ERBB4: variants seen among roughly 807,000 people sequenced by gnomAD.
ERBB4 encodes the protein erb-b2 receptor tyrosine kinase 4.
ERBB4 carries 42 observed loss-of-function variants against 158.0 expected under a neutral mutation model. The ratio of observed to expected loss-of-function variants is 0.27; its 90% confidence interval spans 0.21 to 0.34. The LOEUF (loss-of-function observed/expected upper bound fraction) is 0.34. ERBB4 is among the 10% of genes least tolerant of loss of function. ERBB4 has a pLI of 1.00. For missense variants in ERBB4, 1,333 were observed against 1,624.1 expected (o/e 0.82, Z 3.08); for synonymous variants, 583 against 558.7 (o/e 1.04, Z -0.61).
chr2:211,592,573 CAAAG>C (rs986047784), intron 19 of ERBB4, among the ~76,000 whole-genome samples: 4 of 152,008 alleles, frequency 2.6e-5, no homozygotes, highest in South Asian at 2.1e-4. Flanking sequence ...AACTGAAAGA[CAAAG>C]AGGATTTCAA....
chr2:211,831,409 A>G (rs1193546489), intron 3 of ERBB4, among the ~76,000 whole-genome samples: 1 of 152,158 alleles, frequency 6.6e-6, no homozygotes, highest in Non-Finnish European at 1.5e-5. Flanking sequence ...CTTTAGCCAG[A>G]TGTCACCCCA....
At chr2:211,683,273 C>T (rs1260342609) in intron 12 of ERBB4, among the ~76,000 whole-genome samples, 1 of 152,084 alleles carries the variant, frequency 6.6e-6, no homozygotes, top group Admixed American at 6.6e-5. Flanking sequence ...TACAGATTTC[C>T]TCATAGCAAG....
chr2:212,459,230 C>T (rs1327652141), intron 1 of ERBB4, among the ~76,000 whole-genome samples: 1 of 151,896 alleles, frequency 6.6e-6, no homozygotes, highest in East Asian at 1.9e-4. Flanking sequence ...TAGATGTACA[C>T]AGAATATTCC....
intron 2 of ERBB4, among the ~76,000 whole-genome samples, chr2:212,078,058 T>C (rs2078325867): frequency 6.6e-6 from 1 of 152,044 alleles, no homozygotes; most frequent in African/African-American, 2.4e-5. Context: ...GAGATTCTCT[T>C]GGTAATTAGA....
At chr2:211,853,726 A>G (rs1355395113) in intron 3 of ERBB4, among the ~76,000 whole-genome samples, 1 of 152,076 alleles carries the variant, frequency 6.6e-6, no homozygotes, top group African/African-American at 2.4e-5. Flanking sequence ...TATCAGAAAT[A>G]TATGTGTTTT....
rs901382432 is a variant in ERBB4, at chr2:211,682,325, A to G, written c.1490-3141T>C. ...ATCAATGTTCTAGCTCAAGTAGCCA[A>G]GCAGAGAGAGTGAATTCTCCCTTCT... is the stretch of plus-strand genomic sequence containing the variant. On this transcript the variant is annotated intron_variant, in intron 12 of 27. Transcript: ENST00000342788. 1.1e-4 allele frequency among the ~76,000 whole-genome samples: 17 copies of G among 152,106 alleles called. 1 individual carries two copies. The East Asian group carries it at 2.9e-3, about 26-fold the overall frequency.
intron 2 of ERBB4, among the ~76,000 whole-genome samples, chr2:212,039,639 G>A (rs2077092631): frequency 6.6e-6 from 1 of 152,092 alleles, no homozygotes; most frequent in Non-Finnish European, 1.5e-5. Context: ...CAATTATCAT[G>A]TGCCAGCTTC....
In ERBB4 at chr2:211,725,086, G is replaced by A. The variant is rs754193308; in HGVS notation, c.731C>T (p.Thr244Ile). The A allele has an allele frequency of 4.4e-6, 7 of 1,607,884 alleles. No homozygotes were observed. Among genetic ancestry groups the A allele is most frequent in the Non-Finnish European group, 5.1e-6 (6 of 1,174,428 alleles). Residue 244 changes from threonine to isoleucine, a missense_variant, in exon 6 of 28, where the codon ACA (threonine) becomes ATA (isoleucine). Physicochemically the swap from Thr to Ile is moderately conservative, Grantham distance 89. Transcript: ENST00000342788. ...AAATCACAGACATACAAAGCAGTCTGTGTCCTTAGGTCCTGAGCAGCCTCC... is the reference window on the plus strand; with the variant it reads ...AAATCACAGACATACAAAGCAGTCTATGTCCTTAGGTCCTGAGCAGCCTCC... Reference protein sequence around the residue: ...CAGGCSGPKDTDCFACMNFND... With the variant: ...CAGGCSGPKDIDCFACMNFND...
intron 3 of ERBB4, among the ~76,000 whole-genome samples, chr2:211,828,449 T>A (rs1473505322): frequency 6.6e-6 from 1 of 152,160 alleles, no homozygotes; most frequent in Admixed American, 6.5e-5. Flanking sequence ...GTGATCTGTG[T>A]CTGGGCCCTA....
chr2:211,953,129 C>T (rs532884579), intron 2 of ERBB4, among the ~76,000 whole-genome samples: 18 of 151,982 alleles, frequency 1.2e-4, no homozygotes, highest in South Asian at 2.1e-4. Context: ...TTTTAGATAT[C>T]GTTTTCCAAG....
intron 20 of ERBB4, among the ~76,000 whole-genome samples, chr2:211,534,681 A>G (rs1336778654): frequency 3.9e-5 from 6 of 152,080 alleles, no homozygotes; most frequent in South Asian, 4.1e-4. Flanking sequence ...AATCATTGCT[A>G]TAAGTCTAAA....
chr2:211,747,882 C>G (rs918373076), intron 5 of ERBB4, among the ~76,000 whole-genome samples: 1 of 151,554 alleles, frequency 6.6e-6, no homozygotes, highest in African/African-American at 2.4e-5. Context: ...TTCCAGGACC[C>G]CCATAAATAC....
At chr2:211,708,591 C>T (rs1310675461) in intron 9 of ERBB4, among the ~76,000 whole-genome samples, 2 of 150,140 alleles carry the variant, frequency 1.3e-5, no homozygotes, top group African/African-American at 4.9e-5. Flanking sequence ...TATTGATTTT[C>T]ATTTCTCTCT....
chr2:211,537,855 C>T (rs563617033), intron 20 of ERBB4, among the ~76,000 whole-genome samples: 17 of 151,784 alleles, frequency 1.1e-4, no homozygotes, highest in East Asian at 3.9e-4. Context: ...AAGAAACTTC[C>T]GTATAAATTT....
chr2:211,698,284 C>T (rs908482356), intron 12 of ERBB4, among the ~76,000 whole-genome samples: 25 of 148,334 alleles, frequency 1.7e-4, no homozygotes, highest in Middle Eastern at 3.5e-3. Flanking sequence ...TGCACTCCAG[C>T]CTGGGAAACA....
intron 3 of ERBB4, among the ~76,000 whole-genome samples, chr2:211,823,996 C>A (rs986286790): frequency 6.6e-6 from 1 of 151,978 alleles, no homozygotes; most frequent in Non-Finnish European, 1.5e-5. Flanking sequence ...ACGACCAAGA[C>A]CAGCTTTGTG....
intron 1 of ERBB4, among the ~76,000 whole-genome samples, chr2:212,134,011 AT>A (rs1183965509): frequency 6.6e-6 from 1 of 152,000 alleles, no homozygotes. Flanking sequence ...TTCTAGGATA[AT>A]TTTTTTCAAT....
At chr2:211,800,733 T>C (rs1370147797) in intron 3 of ERBB4, among the ~76,000 whole-genome samples, 2 of 148,648 alleles carry the variant, frequency 1.3e-5, no homozygotes, top group African/African-American at 4.9e-5. Flanking sequence ...TCTCTTGAGG[T>C]GCGTTTCTTT....
At chr2:212,215,174 T>G (rs1234388033) in intron 1 of ERBB4, among the ~76,000 whole-genome samples, 1 of 151,550 alleles carries the variant, frequency 6.6e-6, no homozygotes, top group African/African-American at 2.4e-5. Flanking sequence ...GTGCCTCCTT[T>G]GTGAAAATTC....
Sources: gnomAD v4.1 joint callset for allele counts (sites outside exome capture counted in the v4.1 genomes callset) on GRCh38, gnomAD v4.1.1 for gene constraint, MANE v1.5 for transcripts, NCBI Gene and HGNC (gene_info 2026-07-23, HGNC 2026-07-21) for gene names.